Variants in RGS12 observed in about 807,000 individuals in gnomAD.
RGS12 encodes the protein regulator of G protein signaling 12, also known as regulator of G-protein signaling 12.
A neutral mutation model predicts 120.1 loss-of-function variants in RGS12; 66 were observed. That is an observed-to-expected ratio of 0.55 (90% CI 0.45 to 0.67). RGS12 has a LOEUF of 0.67. Among genes scored for constraint, RGS12 ranks in the 30% least tolerant of loss-of-function variants. The pLI, the probability that RGS12 is intolerant of heterozygous loss-of-function variation, is 0.00. For missense variants in RGS12, 1,859 were observed against 1,957.7 expected (o/e 0.95, Z 0.95); for synonymous variants, 827 against 804.7 (o/e 1.03, Z -0.47).
intron 17 of RGS12, chr4:3,432,395 T>C (rs898261072): frequency 2.3e-5 from 4 of 176,712 alleles, no homozygotes; most frequent in Admixed American, 6.5e-5. Flanking sequence ...GCAGAAGAGC[T>C]GGTGGCCCGG....
At chr4:3,361,338 C>T (rs960484229) in intron 3 of RGS12, among the ~76,000 whole-genome samples, 13 of 152,120 alleles carry the variant, frequency 8.5e-5, no homozygotes, top group African/African-American at 2.2e-4. Context: ...GATAAACCAC[C>T]GAGCCATGCT....
intron 3 of RGS12, among the ~76,000 whole-genome samples, chr4:3,362,841 CTG>C (rs1432685015): frequency 6.6e-5 from 8 of 120,700 alleles, no homozygotes; most frequent in South Asian, 2.9e-4. Flanking sequence ...GAGTGTGAGA[CTG>C]AGTGTGAGGG....
intron 4 of RGS12, among the ~76,000 whole-genome samples, chr4:3,394,695 A>G (rs1719870987): frequency 6.6e-6 from 1 of 152,214 alleles, no homozygotes; most frequent in African/African-American, 2.4e-5. Context: ...GCTGAAAGGT[A>G]CATACATGAT....
At chr4:3,409,741 G>C (rs939913472) in intron 4 of RGS12, among the ~76,000 whole-genome samples, 13 of 152,226 alleles carry the variant, frequency 8.5e-5, no homozygotes, top group African/African-American at 3.1e-4. Flanking sequence ...TTTTGTTTGA[G>C]GAGCAAAAGC....
upstream of RGS12, among the ~76,000 whole-genome samples, chr4:3,290,288 A>G (rs569702323): frequency 6.6e-6 from 1 of 152,346 alleles, no homozygotes; most frequent in East Asian, 1.9e-4. Context: ...AGGGGTATCA[A>G]GCACCTTCAC....
rs139446715 is a variant in RGS12 at position 3,316,425 on chromosome 4, G to T, written c.255G>T (p.Gly85=). ...ATGAAGATGTAGTGAAATTAATTGG[G>T]AAGTGCTCTGGTGTCCTTCACATGG... is the stretch of plus-strand genomic sequence containing the variant. The part of the protein sequence containing the change: ...ASHEDVVKLI[G]KCSGVLHMVI... The change falls in exon 2 of 18, where the codon GGG becomes GGT. Residue 85 remains glycine, a synonymous_variant. Transcript: ENST00000336727. The T allele has an allele frequency of 1.7e-5, 28 of 1,614,044 alleles. No individual in the cohort carries two copies. The African/African-American group carries it at 2.9e-4, about 17-fold the overall frequency.
chr4:3,340,847 A>G (rs965692966), intron 2 of RGS12, among the ~76,000 whole-genome samples: 1 of 152,088 alleles, frequency 6.6e-6, no homozygotes, highest in African/African-American at 2.4e-5. Context: ...TAGTTTGAAA[A>G]CAAGCAGTTG....
chr4:3,422,806 C>T, intron 11 of RGS12, 99 bp from the exon 12 acceptor site: 1 of 1,139,988 alleles, frequency 8.8e-7, no homozygotes, highest in Non-Finnish European at 1.3e-6. Flanking sequence ...TTTGAAGCTG[C>T]TCTTCTGCTC....
intron 2 of RGS12, among the ~76,000 whole-genome samples, chr4:3,338,750 G>C (rs142952332): frequency 1.4e-4 from 21 of 152,340 alleles, no homozygotes; most frequent in Non-Finnish European, 2.5e-4. Flanking sequence ...TGTCTTCTCA[G>C]ACAGTCGTGA....
At chr4:3,352,868 G>A (rs1190846943) in intron 3 of RGS12, among the ~76,000 whole-genome samples, 3 of 152,136 alleles carry the variant, frequency 2.0e-5, no homozygotes, top group African/African-American at 2.4e-5. Flanking sequence ...TAGTGACTCC[G>A]TTTTGAACCT....
upstream of RGS12, among the ~76,000 whole-genome samples, chr4:3,288,566 G>A (rs1722951370): frequency 6.6e-6 from 1 of 152,166 alleles, no homozygotes; most frequent in African/African-American, 2.4e-5. This position sits in a 1 kb window ranked among gnomAD's most constrained non-coding sequence, Gnocchi z 5.2. Context: ...ATGGGGTTTG[G>A]GTTCCTCTGT....
chr4:3,422,459 C>T lies in RGS12; in HGVS notation c.2922C>T (p.Cys974=), dbSNP rs757910729. The change falls in exon 11 of 18, where the codon TGC becomes TGT. Residue 974 remains cysteine, a synonymous_variant. Transcript: ENST00000336727. ...TTCATCTCCCGGATGGGACATCCTG[C>T]GTGGTGGCTGTCAAGGCGGGCTTCT... The part of the protein sequence containing the change: ...CCIHLPDGTS[C]VVAVKAGFSI... 5 of 1,613,184 alleles carry T rather than the reference C, an allele frequency of 3.1e-6. No homozygotes were observed. Among genetic ancestry groups the T allele is most frequent in the South Asian group, 2.2e-5 (2 of 91,080 alleles).
chr4:3,294,142 A>G (rs1396720120), intron 1 of RGS12, among the ~76,000 whole-genome samples: 2 of 152,248 alleles, frequency 1.3e-5, no homozygotes, highest in Admixed American at 1.3e-4. Context: ...AGCTGCTGCA[A>G]GGGCTAAGAG....
intron 3 of RGS12, among the ~76,000 whole-genome samples, chr4:3,344,302 C>T (rs946770562): frequency 1.3e-5 from 2 of 152,112 alleles, no homozygotes; most frequent in African/African-American, 2.4e-5. Flanking sequence ...TGTATCTGGG[C>T]GGGCAGCAAT....
chr4:3,424,028 A>C (rs1723337360), intron 13 of RGS12, among the ~76,000 whole-genome samples: 1 of 152,216 alleles, frequency 6.6e-6, no homozygotes, highest in African/African-American at 2.4e-5. Context: ...TCATGCCCCC[A>C]GTGCACGGTC....
chr4:3,320,587 A>G (rs781180517), intron 2 of RGS12, among the ~76,000 whole-genome samples: 4 of 152,336 alleles, frequency 2.6e-5, no homozygotes, highest in Non-Finnish European at 5.9e-5. Flanking sequence ...AGTGGCCTTC[A>G]TAATGTGGCG....
At chr4:3,377,633 C>A (rs1246481660) in intron 3 of RGS12, among the ~76,000 whole-genome samples, 1 of 152,090 alleles carries the variant, frequency 6.6e-6, no homozygotes, top group Non-Finnish European at 1.5e-5. Context: ...TAACAATAAA[C>A]CTTAATAAAG....
intron 3 of RGS12, among the ~76,000 whole-genome samples, chr4:3,354,701 C>G (rs556701153): frequency 2.0e-5 from 3 of 152,228 alleles, no homozygotes; most frequent in East Asian, 3.9e-4. Flanking sequence ...AAACAAACAT[C>G]AATGAGAATA....
Position 3,414,143 on chromosome 4 carries a change from G to C in RGS12, c.2092G>C (p.Val698Leu), listed in dbSNP as rs772460923. 20 of 1,566,692 alleles carry C rather than the reference G, an allele frequency of 1.3e-5. No homozygotes were observed. Among genetic ancestry groups the C allele is most frequent in the Non-Finnish European group, 1.7e-5 (20 of 1,162,404 alleles). The change falls in exon 5 of 18, where the codon GTG (valine) becomes CTG (leucine). Residue 698 changes from valine to leucine, a missense_variant. Physicochemically the swap from Val to Leu is conservative, Grantham distance 32 (BLOSUM62 1). Coordinates refer to ENST00000336727, the MANE Select transcript of RGS12 (RefSeq NM_001394154.1). The stretch of plus-strand genomic sequence containing the variant: ...GAGCAGCAATGCCAGCCTCCCCAGC[G>C]TGCAGAGCTGCCGGCGCCTGCGTGA... Reference protein sequence around the residue: ...SLSSNASLPSVQSCRRLRERR... With the variant: ...SLSSNASLPSLQSCRRLRERR...
Sources: allele counts gnomAD v4.1 joint callset (sites outside exome capture counted in the v4.1 genomes callset), GRCh38; gene constraint gnomAD v4.1.1; non-coding constraint Gnocchi (gnomAD v3.1); transcripts MANE v1.5; gene names NCBI Gene and HGNC (gene_info 2026-07-23, HGNC 2026-07-21).